Variants in LRP1B observed in about 807,000 individuals in gnomAD.
LRP1B encodes LDL receptor related protein 1B.
A neutral mutation model predicts 556.6 loss-of-function variants in LRP1B; 217 were observed. The ratio of observed to expected loss-of-function variants is 0.39; its 90% CI spans 0.35 to 0.44. The LOEUF (loss-of-function observed/expected upper bound fraction) is 0.44, where lower values mean the gene tolerates loss of function less well. Among genes scored for constraint, LRP1B ranks in the 20% least tolerant of loss-of-function variants. LRP1B has a pLI of 1.00. For missense variants in LRP1B, 5,053 were observed against 5,620.8 expected (o/e 0.90, Z 3.23); for synonymous variants, 2,047 against 1,865.8 (o/e 1.10, Z -2.50).
intron 3 of LRP1B, among the ~76,000 whole-genome samples, chr2:141,423,597 A>G (rs1455377137): frequency 6.6e-6 from 1 of 152,144 alleles, no homozygotes; most frequent in East Asian, 1.9e-4. Flanking sequence ...CTAAGCAGCT[A>G]TTGAATGAAA....
At chr2:141,909,575 G>A (rs1383562007) in intron 1 of LRP1B, among the ~76,000 whole-genome samples, 1 of 125,678 alleles carries the variant, frequency 8.0e-6, no homozygotes, top group South Asian at 2.4e-4. Context: ...CTGGAGGAGG[G>A]ACATTTTGTT....
intron 41 of LRP1B, among the ~76,000 whole-genome samples, chr2:140,646,314 G>A (rs1471514243): frequency 1.3e-5 from 2 of 151,454 alleles, no homozygotes; most frequent in Admixed American, 6.6e-5. Context: ...CCTGATCACC[G>A]CATGTTTGAA....
intron 2 of LRP1B, among the ~76,000 whole-genome samples, chr2:141,797,961 C>T (rs1370760965): frequency 6.6e-6 from 1 of 152,132 alleles, no homozygotes; most frequent in Non-Finnish European, 1.5e-5. Flanking sequence ...CAATTATAGG[C>T]AATGCATTAT....
At chr2:140,639,229 C>T (rs1684185659) in intron 41 of LRP1B, among the ~76,000 whole-genome samples, 1 of 151,972 alleles carries the variant, frequency 6.6e-6, no homozygotes, top group African/African-American at 2.4e-5. Context: ...AGTACCACTC[C>T]AAAAAAATCT....
At chr2:140,269,530 G>A (rs935544369) in intron 86 of LRP1B, 25 of 369,054 alleles carry the variant, frequency 6.8e-5, no homozygotes, top group African/African-American at 3.2e-4. Context: ...CTCATCACAT[G>A]CTACTCTGAC....
At chr2:141,651,569 G>A (rs1689794124) in intron 2 of LRP1B, among the ~76,000 whole-genome samples, 1 of 152,150 alleles carries the variant, frequency 6.6e-6, no homozygotes, top group Non-Finnish European at 1.5e-5. Flanking sequence ...GGAGGCTGAG[G>A]CACAAGAATT....
chr2:140,301,348 T>C (rs1683811737), intron 83 of LRP1B, among the ~76,000 whole-genome samples: 1 of 152,150 alleles, frequency 6.6e-6, no homozygotes, highest in Non-Finnish European at 1.5e-5. Context: ...CTTTAGCTTC[T>C]AAACATGCTC....
chr2:141,285,774 A>T (rs1329949131), intron 3 of LRP1B, among the ~76,000 whole-genome samples: 3 of 143,656 alleles, frequency 2.1e-5, no homozygotes, highest in Non-Finnish European at 3.0e-5. Context: ...TAATATTTTT[A>T]AAAATGTTCA....
intron 3 of LRP1B, among the ~76,000 whole-genome samples, chr2:141,371,652 T>C (rs1375012183): frequency 6.6e-6 from 1 of 152,116 alleles, no homozygotes; most frequent in Non-Finnish European, 1.5e-5. Flanking sequence ...GCCTTCTTGA[T>C]TTGGTCCTTG....
intron 18 of LRP1B, among the ~76,000 whole-genome samples, chr2:140,981,181 A>G (rs931862848): frequency 6.6e-6 from 1 of 152,072 alleles, no homozygotes; most frequent in Non-Finnish European, 1.5e-5. Context: ...CTAAAATCTT[A>G]GAAATCACCA....
At chr2:141,985,458 T>G (rs921307734) in intron 1 of LRP1B, among the ~76,000 whole-genome samples, 2 of 152,066 alleles carry the variant, frequency 1.3e-5, no homozygotes, top group African/African-American at 4.8e-5. Context: ...AAGAACAATT[T>G]CAAGGAAACA....
chr2:140,323,306 T>C (rs1353100598), intron 81 of LRP1B, among the ~76,000 whole-genome samples: 1 of 152,000 alleles, frequency 6.6e-6, no homozygotes, highest in Admixed American at 6.6e-5. Context: ...CACTCCTTTC[T>C]AGGAGGGAGA....
chr2:141,834,282 G>T (rs6721469), intron 1 of LRP1B, among the ~76,000 whole-genome samples: 61,482 of 151,630 alleles, frequency 0.41, 12,649 homozygotes, highest in Admixed American at 0.48. Flanking sequence ...TTCGGAGAAT[G>T]ATGCAGAAAT....
rs148061725 is a variant in LRP1B at position 141,015,870 on chromosome 2, G to T, written c.2016C>A (p.Ser672Arg). 5.6e-6 allele frequency: 9 copies of T among 1,613,208 alleles called. No individual in the cohort carries two copies. The highest frequency in any genetic ancestry group is 1.1e-5 in the South Asian group (1 of 91,062). The change falls in exon 13 of 91, where the codon AGC (serine) becomes AGA (arginine). Residue 672 changes from serine (S) to arginine (R), a missense_variant. Physicochemically the swap from Ser to Arg is moderately radical, Grantham distance 110. This residue lies in a region of LRP1B where 3,619 missense variants were observed against 3,931.9 expected (regional missense o/e 0.92). Coordinates refer to ENST00000389484, the MANE Select transcript of LRP1B (RefSeq NM_018557.3). ...TCCAGGCCTTCTCAATCCTTCCCAC[G>T]CTGTCATCTATTTCATCTTCCTCCC... ...TDWEEDEIDD[S>R]VGRIEKAWMD...
intron 60 of LRP1B, among the ~76,000 whole-genome samples, chr2:140,465,102 C>A (rs1235288189): frequency 6.6e-6 from 1 of 152,044 alleles, no homozygotes; most frequent in Non-Finnish European, 1.5e-5. Flanking sequence ...TCTGTTAGGC[C>A]TCTAGGGAGG....
chr2:142,098,583 A>G (rs1706461768), intron 1 of LRP1B, among the ~76,000 whole-genome samples: 2 of 151,792 alleles, frequency 1.3e-5, no homozygotes, highest in African/African-American at 4.8e-5. Context: ...AAAACAAAAT[A>G]TAGAATAAAT....
intron 1 of LRP1B, among the ~76,000 whole-genome samples, chr2:142,060,009 A>G (rs944901066): frequency 2.6e-5 from 4 of 152,108 alleles, no homozygotes; most frequent in Admixed American, 2.6e-4. Flanking sequence ...CTTTCCTTAG[A>G]TAAATTAAAG....
intron 2 of LRP1B, among the ~76,000 whole-genome samples, chr2:141,601,643 CTTTTT>C (rs569336501): frequency 5.4e-5 from 7 of 130,220 alleles, no homozygotes; most frequent in East Asian, 2.3e-4. Context: ...TCCTTCCTTC[CTTTTT>C]TTTTCCTTCC....
intron 1 of LRP1B, among the ~76,000 whole-genome samples, chr2:141,901,457 T>C (rs569967257): frequency 1.3e-4 from 20 of 152,016 alleles, no homozygotes; most frequent in Non-Finnish European, 2.8e-4. Flanking sequence ...TAGGTGTCAG[T>C]ATAAAAAGCA....
Sources: allele counts gnomAD v4.1 joint callset (sites outside exome capture counted in the v4.1 genomes callset), GRCh38; gene constraint gnomAD v4.1.1; regional missense constraint gnomAD v4.1.1; transcripts MANE v1.5; gene names NCBI Gene and HGNC (gene_info 2026-07-23, HGNC 2026-07-21).